Variants in ZFP57 observed in about 807,000 individuals in gnomAD.
ZFP57 encodes the protein zinc finger protein 57 homolog.
ZFP57 carries 12 observed loss-of-function variants against 15.8 expected under a neutral mutation model. The observed-to-expected ratio is 0.76, with a 90% confidence interval of 0.49 to 1.23. The LOEUF is 1.23. Ranked by LOEUF, ZFP57 falls within the 50% of genes most tolerant of loss-of-function variation. The pLI, the probability that ZFP57 is intolerant of heterozygous loss-of-function variation, is 0.00. For missense variants in ZFP57, 536 were observed against 654.9 expected (o/e 0.82, Z 1.98); for synonymous variants, 203 against 242.3 (o/e 0.84, Z 1.51).
chr6:29,675,135 G>C (rs4713230), intron 4 of ZFP57, among the ~76,000 whole-genome samples: 27,979 of 133,242 alleles, frequency 0.21, 2,950 homozygotes, highest in East Asian at 0.3. Flanking sequence ...CCTGGCAACA[G>C]AGCGAGACTG....
Position 29,677,273 on chromosome 6 carries a change from C to A in ZFP57, c.-270G>T. ...AAAGCTGGGCCACCGAGTTCAGGGC[C>A]CTGGTCACCCTTGGCTCACCAGCTG... On this transcript the variant is annotated 5_prime_UTR_variant, in exon 2 of 5. Transcript: ENST00000376883. The A allele has an allele frequency of 1.9e-6, 1 of 531,126 alleles. No homozygotes were observed. The highest frequency in any genetic ancestry group is 3.4e-5 in the East Asian group (1 of 29,344). 32.9% of individuals were successfully genotyped at this position (531,126 alleles called of 1,614,324 possible).
In ZFP57 at chr6:29,677,051, G is replaced by A. The variant is rs1329761489; in HGVS notation, c.-48C>T. On this transcript the variant is annotated 5_prime_UTR_variant, in exon 2 of 5. Coordinates refer to ENST00000376883, the MANE Select transcript of ZFP57 (RefSeq NM_001109809.5). Reference sequence around the variant, plus strand: ...TCTAGCTTTATCCACTCCTGGCCTGGTGCCCAGGCCTGACTGGATTCCTTC... The same window carrying A: ...TCTAGCTTTATCCACTCCTGGCCTGATGCCCAGGCCTGACTGGATTCCTTC... 1 of 1,613,468 alleles carries A rather than the reference G, an allele frequency of 6.2e-7. No individual in the cohort carries two copies. Among genetic ancestry groups the A allele is most frequent in the Non-Finnish European group, 8.5e-7 (1 of 1,180,022 alleles).
chr6:29,676,098 ATATATG>A, intron 2 of ZFP57, 39 bp from the exon 3 acceptor site: 8 of 1,297,398 alleles, frequency 6.2e-6, no homozygotes, highest in Non-Finnish European at 8.7e-6. Flanking sequence ...TTATATAAAT[ATATATG>A]TGTGTGTGTG....
chr6:29,679,013 C>T (rs2747425), intron 1 of ZFP57, among the ~76,000 whole-genome samples: 26,120 of 151,202 alleles, frequency 0.17, 2,466 homozygotes, highest in Admixed American at 0.25. Context: ...GGTGACAGAG[C>T]GAGATTCTGC....
chr6:29,679,751 G>A lies in ZFP57; in HGVS notation c.-364+1311C>T, dbSNP rs1217155856. The stretch of plus-strand genomic sequence containing the variant: ...AATACAAAATTATCCCGGCGTGGTG[G>A]CGCATGCCTGTAATCGTAGCTACTA... On this transcript the variant is annotated intron_variant, in intron 1 of 4. Transcript: ENST00000376883. Among the ~76,000 whole-genome samples, 5 of 152,310 alleles carry A rather than the reference G, an allele frequency of 3.3e-5. No homozygotes were observed. The East Asian group carries it at 9.6e-4, about 29-fold the overall frequency.
chr6:29,672,642 G>C lies in ZFP57; in HGVS notation c.1469C>G (p.Pro490Arg). 6.2e-7 allele frequency: 1 copy of C among 1,611,264 alleles called. No homozygotes were observed. The highest frequency in any genetic ancestry group is 1.3e-5 in the African/African-American group (1 of 75,010). ...CTTCCATTCCTCCCCAGCCATAGTG[G>C]GGACATCATGAGAGAAGCCAAGCCA... Reference protein sequence around the residue: ...GQWLGFSHDVPTMAGEEWKHG... With the variant: ...GQWLGFSHDVRTMAGEEWKHG... Residue 490 changes from proline (P) to arginine (R), a missense_variant, in exon 5 of 5, where the codon CCC becomes CGC. Pro to Arg is a moderately radical substitution (Grantham distance 103). Transcript: ENST00000376883.
chr6:29,672,983 C>T lies in ZFP57; in HGVS notation c.1128G>A (p.Val376=), dbSNP rs745896871. The change falls in exon 5 of 5, where the codon GTG becomes GTA. Residue 376 remains valine (V), a synonymous_variant. Coordinates refer to ENST00000376883, the MANE Select transcript of ZFP57 (RefSeq NM_001109809.5). The stretch of plus-strand genomic sequence containing the variant: ...AGAAGACATTGAGTCTTGAGGGCTT[C>T]ACTGGATGAGAGTTGGATCTGGCAT... The part of the protein sequence containing the change: ...CQDARSNSHP[V]KPSRLNVFCC... 6.2e-7 allele frequency: 1 copy of T among 1,613,058 alleles called. No homozygotes were observed. Among genetic ancestry groups the T allele is most frequent in the Non-Finnish European group, 8.5e-7 (1 of 1,180,032 alleles).
intron 3 of ZFP57, among the ~76,000 whole-genome samples, chr6:29,675,727 A>G (rs1772034775): frequency 6.6e-6 from 1 of 152,220 alleles, no homozygotes; most frequent in South Asian, 2.1e-4. Context: ...CACTGTCATC[A>G]TGTTACAAGT....
intron 1 of ZFP57, 42 bp from the exon 2 acceptor site, chr6:29,677,408 G>T: frequency 3.7e-6 from 1 of 269,500 alleles, no homozygotes; most frequent in Non-Finnish European, 7.3e-6. Flanking sequence ...AAGAGGGAGG[G>T]TAAGAAACAG....
intron 1 of ZFP57, among the ~76,000 whole-genome samples, chr6:29,679,947 C>T (rs1391615744): frequency 3.9e-5 from 6 of 152,112 alleles, no homozygotes; most frequent in Non-Finnish European, 7.4e-5. Context: ...CCTCAAGAAC[C>T]TGGCCTTCCA....
Position 29,673,114 on chromosome 6 carries a change from T to C in ZFP57, c.997A>G (p.Ile333Val). Residue 333 changes from isoleucine (I) to valine (V), a missense_variant, in exon 5 of 5, where the codon ATA becomes GTA. Coordinates refer to ENST00000376883, the MANE Select transcript of ZFP57 (RefSeq NM_001109809.5). The surrounding 1 kb of genome is among the most constrained non-coding windows in gnomAD (Gnocchi z 4.7). ...HAPVARSQEP[I>V]FRTEGPMAQN... ...GCCATAGGACCCTCAGTTCTAAATA[T>C]GGGTTCCTGGGACCTGGCCACTGGT... The C allele has an allele frequency of 1.2e-6, 2 of 1,612,928 alleles. No homozygotes were observed. The highest frequency in any genetic ancestry group is 1.7e-6 in the Non-Finnish European group (2 of 1,180,002).
In ZFP57 at chr6:29,672,564, AG is replaced by A. The variant is rs764601710; in HGVS notation, c.1546del (p.Leu516Ter). 4 of 1,612,894 alleles carry A rather than the reference AG, an allele frequency of 2.5e-6. No homozygotes were observed. The highest frequency in any genetic ancestry group is 3.4e-6 in the Non-Finnish European group (4 of 1,179,984). The stretch of plus-strand genomic sequence containing the variant: ...GTCTCCTTTGCAGGCCTTCTCTCTT[AG>A]GCCTCTTCTCCTGGGGGTATGGATC... ...PRIHTPRRRG[L>X]REKACKGDKT... On this transcript the variant is annotated frameshift_variant, in exon 5 of 5. Coordinates refer to ENST00000376883, the MANE Select transcript of ZFP57 (RefSeq NM_001109809.5). LOFTEE classifies it low-confidence loss of function (END_TRUNC).
intron 4 of ZFP57, among the ~76,000 whole-genome samples, chr6:29,674,276 A>C (rs1376560681): frequency 2.6e-5 from 4 of 151,862 alleles, no homozygotes; most frequent in Non-Finnish European, 4.4e-5. Flanking sequence ...CCAACACAGC[A>C]CTCCATTCAG....
In ZFP57 at chr6:29,673,678, A is replaced by C; in HGVS notation, c.433T>G (p.Cys145Gly). Residue 145 changes from cysteine to glycine, a missense_variant, in exon 5 of 5, where the codon TGC becomes GGC. Cys to Gly is a radical substitution (Grantham distance 159). Transcript: ENST00000376883. The surrounding 1 kb of genome is among the most constrained non-coding windows in gnomAD (Gnocchi z 4.7). ...GTSDDKVFLACRGAGQCPLSA... is the reference protein window; with the variant it reads ...GTSDDKVFLAGRGAGQCPLSA... ...AGGGGGCACTGGCCGGCCCCTCTGCATGCAAGGAAGACCTTGTCATCACTA... is the reference window on the plus strand; with the variant it reads ...AGGGGGCACTGGCCGGCCCCTCTGCCTGCAAGGAAGACCTTGTCATCACTA... 1 of 1,612,992 alleles carries C rather than the reference A, an allele frequency of 6.2e-7. No homozygotes were observed. The highest frequency in any genetic ancestry group is 8.5e-7 in the Non-Finnish European group (1 of 1,179,978).
At chr6:29,677,802 T>C (rs2127548721) in intron 1 of ZFP57, among the ~76,000 whole-genome samples, 1 of 114,750 alleles carries the variant, frequency 8.7e-6, no homozygotes, top group East Asian at 3.3e-4. Context: ...CACACAATTC[T>C]GTGATCTGGA....
At chr6:29,672,454 C>T, downstream of ZFP57, 1 of 1,611,810 alleles carries the variant, frequency 6.2e-7, no homozygotes, top group Non-Finnish European at 8.5e-7. Flanking sequence ...GAGGTCAGTC[C>T]TCAGGAAAAC....
At chr6:29,676,804 G>T in intron 2 of ZFP57, 77 bp downstream of exon 2, 1 of 1,567,554 alleles carries the variant, frequency 6.4e-7, no homozygotes. Context: ...CATTTGACCT[G>T]CAGGCAGGAG....
chr6:29,674,668 A>G (rs1020766701), intron 4 of ZFP57, among the ~76,000 whole-genome samples: 2 of 152,186 alleles, frequency 1.3e-5, no homozygotes, highest in African/African-American at 2.4e-5. Context: ...GCCTGGCTTG[A>G]TATCTCTCTC....
chr6:29,676,085 A>C (rs1432643940), intron 2 of ZFP57, 26 bp from the exon 3 acceptor site: 1 of 1,388,018 alleles, frequency 7.2e-7, no homozygotes, highest in Non-Finnish European at 9.7e-7. Context: ...AGACTCAAGA[A>C]GTTTATATAA....
Sources: gnomAD v4.1 joint callset for allele counts (sites outside exome capture counted in the v4.1 genomes callset) on GRCh38, gnomAD v4.1.1 for gene constraint, Gnocchi (gnomAD v3.1) non-coding constraint, MANE v1.5 for transcripts, NCBI Gene and HGNC (gene_info 2026-07-23, HGNC 2026-07-21) for gene names.